The following CNGB3 variants were observed in gnomAD, a reference collection of about 807,000 sequenced individuals.
CNGB3 encodes cyclic nucleotide-gated channel beta-3.
Under a neutral mutation model 92.8 loss-of-function variants are expected in CNGB3, and 86 were observed. The ratio of observed to expected loss-of-function variants is 0.93; its 90% CI spans 0.78 to 1.11. The LOEUF (loss-of-function observed/expected upper bound fraction) is 1.11. Among genes scored for constraint, CNGB3 ranks in the 50% least tolerant of loss-of-function variants. CNGB3 has a pLI of 0.00. For missense variants in CNGB3, 1,026 were observed against 956.8 expected (o/e 1.07, Z -0.95); for synonymous variants, 333 against 332.7 (o/e 1.00, Z -0.01).
intron 3 of CNGB3, among the ~76,000 whole-genome samples, chr8:86,700,306 C>T (rs188617154): frequency 2.9e-4 from 44 of 152,040 alleles, no homozygotes; most frequent in African/African-American, 9.9e-4. Flanking sequence ...AAATATATTG[C>T]CTGCCATTTT....
chr8:86,673,707 A>G (rs1823910334), intron 3 of CNGB3, among the ~76,000 whole-genome samples: 1 of 152,240 alleles, frequency 6.6e-6, no homozygotes, highest in Non-Finnish European at 1.5e-5. Flanking sequence ...AGTTTCTATT[A>G]CAAGAGACTA....
intron 14 of CNGB3, among the ~76,000 whole-genome samples, chr8:86,608,757 G>C (rs1323128021): frequency 6.6e-6 from 1 of 152,194 alleles, no homozygotes; most frequent in African/African-American, 2.4e-5. Flanking sequence ...CGGCAGCTAG[G>C]CAGGGAAGGG....
chr8:86,702,485 G>A (rs888201823), intron 3 of CNGB3, among the ~76,000 whole-genome samples: 1 of 152,080 alleles, frequency 6.6e-6, no homozygotes, highest in Non-Finnish European at 1.5e-5. Flanking sequence ...TTATTTCCCT[G>A]TAATAAATTC....
Position 86,666,970 on chromosome 8 carries a change from T to G in CNGB3, c.807A>C (p.Leu269=). The change falls in exon 6 of 18, where the codon CTA becomes CTC. Residue 269 remains leucine, a synonymous_variant. Transcript: ENST00000320005. ...CAAACTGGAGTCTGGGCTGGATAAATAGCATATCATAAAGGTAGATGATAT... is the reference window on the plus strand; with the variant it reads ...CAAACTGGAGTCTGGGCTGGATAAAGAGCATATCATAAAGGTAGATGATAT... ...ICDIIYLYDM[L]FIQPRLQFVR... 2 of 1,613,326 alleles carry G rather than the reference T, an allele frequency of 1.2e-6. No individual in the cohort carries two copies. The highest frequency in any genetic ancestry group is 2.2e-5 in the South Asian group (2 of 91,044).
At chr8:86,633,303 A>T (rs997700247) in intron 10 of CNGB3, among the ~76,000 whole-genome samples, 4 of 152,176 alleles carry the variant, frequency 2.6e-5, no homozygotes, top group Admixed American at 2.6e-4. Flanking sequence ...TGAAACCTTG[A>T]TTCTGACTGT....
chr8:86,578,977 A>C, intron 16 of CNGB3, 114 bp from the exon 17 acceptor site: 1 of 1,533,498 alleles, frequency 6.5e-7, no homozygotes, highest in Non-Finnish European at 9.0e-7. Context: ...TACCTACATT[A>C]ATAGTTGTTC....
Position 86,578,817 on chromosome 8 carries a change from T to C in CNGB3, c.1975A>G (p.Arg659Gly), listed in dbSNP as rs1292273336. The C allele has an allele frequency of 1.2e-6, 2 of 1,614,082 alleles. No individual in the cohort carries two copies. Among genetic ancestry groups the C allele is most frequent in the Non-Finnish European group, 1.7e-6 (2 of 1,180,042 alleles). The change falls in exon 17 of 18, where the codon AGA becomes GGA. Residue 659 changes from arginine (R) to glycine (G), a missense_variant. Coordinates refer to ENST00000320005, the MANE Select transcript of CNGB3 (RefSeq NM_019098.5). ...GGGAAGAGGAGGGCAAGATCTTTTC[T>C]TGGAGGGGTTGCTTCTGCGGTCTTA... The part of the protein sequence containing the change: ...KAKTAEATPP[R>G]KDLALLFPPK...
At chr8:86,713,980 G>A (rs1305101232) in intron 3 of CNGB3, among the ~76,000 whole-genome samples, 1 of 152,086 alleles carries the variant, frequency 6.6e-6, no homozygotes, top group Non-Finnish European at 1.5e-5. Context: ...CCCCAAGAGA[G>A]TGGTACCTTT....
At chr8:86,579,399 T>G in intron 15 of CNGB3, 147 bp from the exon 16 acceptor site, 2 of 921,692 alleles carry the variant, frequency 2.2e-6, no homozygotes, top group South Asian at 2.8e-5. Flanking sequence ...GTGCAGAGAG[T>G]GTCAAGATGT....
intron 3 of CNGB3, among the ~76,000 whole-genome samples, chr8:86,716,515 A>C (rs987437658): frequency 6.6e-6 from 1 of 152,256 alleles, no homozygotes; most frequent in Non-Finnish European, 1.5e-5. Context: ...GAGTAACAGC[A>C]GATTTCTCAG....
chr8:86,651,507 C>A (rs937657776), intron 7 of CNGB3, among the ~76,000 whole-genome samples: 1 of 151,744 alleles, frequency 6.6e-6, no homozygotes, highest in African/African-American at 2.4e-5. Flanking sequence ...GTGTACAGAA[C>A]GTAATTAAAA....
intron 15 of CNGB3, among the ~76,000 whole-genome samples, chr8:86,590,787 T>G (rs1392500039): frequency 6.7e-6 from 1 of 148,770 alleles, no homozygotes; most frequent in Non-Finnish European, 1.5e-5. Context: ...CTCCTTCATT[T>G]CACCTTTGGT....
chr8:86,591,903 G>T (rs1477699889), intron 15 of CNGB3, among the ~76,000 whole-genome samples: 3 of 152,166 alleles, frequency 2.0e-5, no homozygotes, highest in Non-Finnish European at 4.4e-5. Context: ...GTTTACCTAA[G>T]CAAGCCTGGG....
intron 11 of CNGB3, among the ~76,000 whole-genome samples, chr8:86,632,008 C>G (rs1315426417): frequency 2.0e-5 from 3 of 151,938 alleles, no homozygotes; most frequent in Admixed American, 2.0e-4. Flanking sequence ...CTTACATGGG[C>G]TCCTACATTC....
intron 6 of CNGB3, chr8:86,658,750 T>C: frequency 2.0e-6 from 1 of 500,672 alleles, no homozygotes; most frequent in South Asian, 2.3e-5. Context: ...ATGTTCTCAT[T>C]GTTCAGCTTC....
chr8:86,631,660 C>T (rs1822964093), intron 11 of CNGB3, among the ~76,000 whole-genome samples: 1 of 152,108 alleles, frequency 6.6e-6, no homozygotes, highest in African/African-American at 2.4e-5. Context: ...AATATAATCT[C>T]CCCAGCCATG....
At chr8:86,657,971 C>A (rs1385364512) in intron 6 of CNGB3, 2 of 553,366 alleles carry the variant, frequency 3.6e-6, no homozygotes, top group Non-Finnish European at 7.1e-6. Flanking sequence ...TCTGTCTCTC[C>A]AGACAGCTGG....
Position 86,668,038 on chromosome 8 carries a change from G to A in CNGB3, c.624C>T (p.Asn208=), listed in dbSNP as rs144347980. Residue 208 remains asparagine, a synonymous_variant, in exon 5 of 18, where the codon AAC becomes AAT. Transcript: ENST00000320005. ...TAATACCTGTGTATGAATCTATGCT[G>A]TTTGGAAGTTTAATTCGCTTTAAGT... ...TEYLKRIKLP[N]SIDSYTDRLY... is the part of the protein sequence containing the mutation. The A allele has an allele frequency of 1.3e-4, 216 of 1,613,892 alleles. No homozygotes were observed. Among genetic ancestry groups the A allele is most frequent in the Non-Finnish European group, 1.8e-4 (213 of 1,179,996 alleles).
intron 6 of CNGB3, chr8:86,658,244 C>A (rs1823556607): frequency 3.6e-6 from 2 of 547,992 alleles, no homozygotes; most frequent in East Asian, 4.1e-5. Context: ...ATGCCTGCTC[C>A]TCCTCGGCAC....
Sources: gnomAD v4.1 joint callset for allele counts (sites outside exome capture counted in the v4.1 genomes callset) on GRCh38, gnomAD v4.1.1 for gene constraint, MANE v1.5 for transcripts, NCBI Gene and HGNC (gene_info 2026-07-23, HGNC 2026-07-21) for gene names.